Variants in PDE3A observed in about 807,000 individuals in gnomAD.
The protein encoded by PDE3A is cGMP-inhibited 3',5'-cyclic phosphodiesterase 3A.
Under a neutral mutation model 98.3 loss-of-function variants are expected in PDE3A, and 43 were observed. That is an observed-to-expected ratio of 0.44 (90% CI 0.34 to 0.56). The LOEUF (loss-of-function observed/expected upper bound fraction) is 0.56. Ranked by LOEUF, PDE3A falls within the 20% of genes least tolerant of loss-of-function variation. The pLI is 0.01. For synonymous variants in PDE3A, 663 were observed against 567.9 expected (o/e 1.17, Z -2.38); for missense variants, 1,427 against 1,440.7 (o/e 0.99, Z 0.15).
intron 1 of PDE3A, among the ~76,000 whole-genome samples, chr12:20,456,621 A>T (rs183282976): frequency 1.7e-3 from 257 of 152,282 alleles, no homozygotes; most frequent in African/African-American, 5.8e-3. Flanking sequence ...TAATGTGGTA[A>T]TAAAGAATTA....
intron 1 of PDE3A, among the ~76,000 whole-genome samples, chr12:20,374,760 A>AT (rs1204145712): frequency 1.3e-5 from 2 of 152,028 alleles, no homozygotes; most frequent in African/African-American, 4.8e-5. Flanking sequence ...TTTTCCATTA[A>AT]TATGGTTTGT....
chr12:20,518,704 T>G (rs1946366495), intron 1 of PDE3A, among the ~76,000 whole-genome samples: 1 of 152,138 alleles, frequency 6.6e-6, no homozygotes, highest in African/African-American at 2.4e-5. Context: ...TGGTGACCAA[T>G]TTTTTTGGTA....
intron 1 of PDE3A, among the ~76,000 whole-genome samples, chr12:20,471,679 G>T (rs1334895540): frequency 6.6e-6 from 1 of 152,054 alleles, no homozygotes; most frequent in Admixed American, 6.6e-5. Flanking sequence ...AAAGTAAATT[G>T]ATTTTCTAGG....
chr12:20,370,049 G>A lies in PDE3A; in HGVS notation c.765G>A (p.Val255=). 1 of 1,612,688 alleles carries A rather than the reference G, an allele frequency of 6.2e-7. No homozygotes were observed. The highest frequency in any genetic ancestry group is 8.5e-7 in the Non-Finnish European group (1 of 1,179,618). The change falls in exon 1 of 16, where the codon GTG becomes GTA. Residue 255 remains valine (V), a synonymous_variant. Transcript: ENST00000359062. ...GVLGILLARY[V]EQILPQSAEA... ...TGGGGATCCTCTTGGCCAGGTACGT[G>A]GAACAAATCTTGCCGCAGTCCGCGG...
intron 15 of PDE3A, among the ~76,000 whole-genome samples, chr12:20,676,938 T>C (rs926925179): frequency 6.6e-6 from 1 of 152,224 alleles, no homozygotes; most frequent in Non-Finnish European, 1.5e-5. Flanking sequence ...ACCTATAATT[T>C]TGTTAAACAG....
chr12:20,563,469 C>T (rs1942580041), intron 2 of PDE3A, among the ~76,000 whole-genome samples: 2 of 152,066 alleles, frequency 1.3e-5, no homozygotes, highest in South Asian at 4.1e-4. Context: ...CGACATGTTA[C>T]CAGGGAATAA....
rs534053204 is a variant in PDE3A, at chr12:20,635,000, C to A, written c.1945C>A (p.Pro649Thr). 2.5e-6 allele frequency: 4 copies of A among 1,612,364 alleles called. No homozygotes were observed. In the Admixed American group the frequency reaches 5.0e-5, roughly 20 times the overall value. Reference sequence around the variant, plus strand: ...AGATGAAACAGAGTGCCTGAGAGAGCCTCTGAGGAAAGCATCGGCTTGCAG... The same window carrying A: ...AGATGAAACAGAGTGCCTGAGAGAGACTCTGAGGAAAGCATCGGCTTGCAG... ...NEDETECLRE[P>T]LRKASACSTY... The change falls in exon 8 of 16, where the codon CCT becomes ACT. Residue 649 changes from proline (P) to threonine (T), a missense_variant. Pro to Thr is a conservative substitution (Grantham distance 38). Coordinates refer to ENST00000359062, the MANE Select transcript of PDE3A (RefSeq NM_000921.5).
At chr12:20,471,949 T>C (rs1169922867) in intron 1 of PDE3A, among the ~76,000 whole-genome samples, 1 of 152,142 alleles carries the variant, frequency 6.6e-6, no homozygotes. Flanking sequence ...ACGCGATTGG[T>C]CAGAAAGAAC....
At chr12:20,652,688 G>A (rs904312265) in intron 14 of PDE3A, among the ~76,000 whole-genome samples, 1 of 152,010 alleles carries the variant, frequency 6.6e-6, no homozygotes. Context: ...CAGATGAGTA[G>A]GTTGCAAAAA....
At position 20,369,249 on chromosome 12, in the gene PDE3A, G is replaced by T; in HGVS notation, c.-36G>T. 1.4e-6 allele frequency: 2 copies of T among 1,444,540 alleles called. No individual in the cohort carries two copies. Among genetic ancestry groups the T allele is most frequent in the South Asian group, 2.8e-5 (2 of 71,438 alleles). The allele number at this position is 1,444,540 out of a possible 1,614,324, so 89.5% of individuals were successfully genotyped here. On this transcript the variant is annotated 5_prime_UTR_variant, in exon 1 of 16. Coordinates refer to ENST00000359062, the MANE Select transcript of PDE3A (RefSeq NM_000921.5). ...TGGGTCGGGGCGGGGGCGTCGGGGGGCCACTGGGAATTCAGTGAAGAGGGC... is the reference window on the plus strand; with the variant it reads ...TGGGTCGGGGCGGGGGCGTCGGGGGTCCACTGGGAATTCAGTGAAGAGGGC...
At chr12:20,612,838 G>C (rs1943904519) in intron 2 of PDE3A, among the ~76,000 whole-genome samples, 1 of 151,516 alleles carries the variant, frequency 6.6e-6, no homozygotes, top group Non-Finnish European at 1.5e-5. Flanking sequence ...AGGCAGTTTG[G>C]CAGAATATGA....
intron 1 of PDE3A, among the ~76,000 whole-genome samples, chr12:20,549,400 T>TAAA (rs139027564): frequency 7.3e-6 from 1 of 136,384 alleles, no homozygotes; most frequent in South Asian, 2.3e-4. Context: ...TTCTTTGCAT[T>TAAA]AAAAAAAAAA....
At chr12:20,605,632 T>G (rs1943692865) in intron 2 of PDE3A, among the ~76,000 whole-genome samples, 2 of 152,174 alleles carry the variant, frequency 1.3e-5, no homozygotes, top group Non-Finnish European at 2.9e-5. Flanking sequence ...ATTGCTCTGT[T>G]GGATACAGTA....
chr12:20,597,000 C>T (rs144382788), intron 2 of PDE3A, among the ~76,000 whole-genome samples: 59 of 152,236 alleles, frequency 3.9e-4, no homozygotes, highest in South Asian at 2.7e-3. Flanking sequence ...CGGATCCAGA[C>T]TACCTGGGTT....
At chr12:20,669,174 A>C (rs1945401973) in intron 15 of PDE3A, among the ~76,000 whole-genome samples, 1 of 150,698 alleles carries the variant, frequency 6.6e-6, no homozygotes, top group South Asian at 2.1e-4. Context: ...AAACGAGCAA[A>C]GCCTCCAAGA....
rs555848483 is a variant in PDE3A, at chr12:20,552,711, G to T, written c.961-3949G>T. The T allele has an allele frequency of 3.5e-5, 56 of 1,614,036 alleles. No individual in the cohort carries two copies. The African/African-American group carries it at 7.1e-4, about 20-fold the overall frequency. ...AGGACAAGAGCAACGCCAAGCTGTG[G>T]AATGAGGTCCTGGCGTCACTCAAGG... is the stretch of plus-strand genomic sequence containing the variant. On this transcript the variant is annotated intron_variant, in intron 1 of 15. Transcript: ENST00000359062. This position sits in a 1 kb window ranked among gnomAD's most constrained non-coding sequence, Gnocchi z 5.1.
At chr12:20,539,091 G>A (rs1434418697) in intron 1 of PDE3A, among the ~76,000 whole-genome samples, 1 of 151,936 alleles carries the variant, frequency 6.6e-6, no homozygotes, top group African/African-American at 2.4e-5. Context: ...TTTCTAAAAT[G>A]GAAGATAGAC....
chr12:20,469,625 T>A (rs1945402103), intron 1 of PDE3A, among the ~76,000 whole-genome samples: 1 of 152,218 alleles, frequency 6.6e-6, no homozygotes, highest in South Asian at 2.1e-4. Context: ...AGGACCTGTT[T>A]CAGTTTAAAA....
Position 20,456,403 on chromosome 12 carries a change from G to C in PDE3A, c.960+86159G>C, listed in dbSNP as rs1269360681. Among the ~76,000 whole-genome samples, 5 of 152,104 alleles carry C rather than the reference G, an allele frequency of 3.3e-5. No homozygotes were observed. The East Asian group carries it at 5.8e-4, about 18-fold the overall frequency. On this transcript the variant is annotated intron_variant, in intron 1 of 15. Transcript: ENST00000359062. ...GGAGAATTTAATAAAACAAGTATTA[G>C]TGTTTCACATTCAAACCATAAAGTT...
Sources: allele counts gnomAD v4.1 joint callset (sites outside exome capture counted in the v4.1 genomes callset), GRCh38; gene constraint gnomAD v4.1.1; non-coding constraint Gnocchi (gnomAD v3.1); transcripts MANE v1.5; gene names NCBI Gene and HGNC (gene_info 2026-07-23, HGNC 2026-07-21).